The following ITGBL1 variants were observed in gnomAD, a reference collection of about 807,000 sequenced individuals.
ITGBL1 encodes the protein integrin beta-like protein 1.
Under a neutral mutation model 68.5 loss-of-function variants are expected in ITGBL1, and 51 were observed. The observed-to-expected ratio is 0.74, with a 90% confidence interval of 0.59 to 0.94. The LOEUF (loss-of-function observed/expected upper bound fraction) is 0.94, where lower values mean the gene tolerates loss of function less well. ITGBL1 is among the 40% of genes least tolerant of loss of function. The pLI is 0.00. For missense variants in ITGBL1, 649 were observed against 647.4 expected, an observed-to-expected ratio of 1.00 and a Z score of -0.03; for synonymous variants, 209 against 227.3, an observed-to-expected ratio of 0.92 and a Z score of 0.72.
chr13:101,452,713 G>C lies in ITGBL1; in HGVS notation c.-121G>C. ...GCTGGAGCCCCGGACCTGCAAGCCTGGGTGTCCGTGGGTCCGTCTGCCCAG... is the reference window on the plus strand; with the variant it reads ...GCTGGAGCCCCGGACCTGCAAGCCTCGGTGTCCGTGGGTCCGTCTGCCCAG... On this transcript the variant is annotated 5_prime_UTR_variant, in exon 1 of 11. Coordinates refer to ENST00000376180, the MANE Select transcript of ITGBL1 (RefSeq NM_004791.3). 2.7e-6 allele frequency: 2 copies of C among 743,286 alleles called. No homozygotes were observed. Among genetic ancestry groups the C allele is most frequent in the Non-Finnish European group, 4.7e-6 (2 of 421,580 alleles). The allele number at this position is 743,286 out of a possible 1,614,324, so 46.0% of individuals were successfully genotyped here. A position where few individuals can be genotyped will look rare whatever the true frequency, so the allele number is the denominator to read the frequency against.
intron 7 of ITGBL1, among the ~76,000 whole-genome samples, chr13:101,637,456 G>C (rs2032210790): frequency 6.7e-6 from 1 of 150,082 alleles, no homozygotes; most frequent in Non-Finnish European, 1.5e-5. Flanking sequence ...CCATTCTCCT[G>C]CCTCAGCCTC....
chr13:101,626,330 A>G (rs2139398541), intron 7 of ITGBL1, among the ~76,000 whole-genome samples: 1 of 152,344 alleles, frequency 6.6e-6, no homozygotes, highest in South Asian at 2.1e-4. Context: ...AAATTACACT[A>G]CAATTTAATG....
chr13:101,611,210 G>T (rs1041367583), intron 7 of ITGBL1, among the ~76,000 whole-genome samples: 3 of 152,170 alleles, frequency 2.0e-5, no homozygotes, highest in Non-Finnish European at 2.9e-5. Flanking sequence ...TTAATTGTTA[G>T]TAAAATGATG....
intron 3 of ITGBL1, among the ~76,000 whole-genome samples, chr13:101,572,686 A>G (rs1037965443): frequency 2.0e-5 from 3 of 152,064 alleles, no homozygotes; most frequent in African/African-American, 4.8e-5. Flanking sequence ...TGGGTGAGAC[A>G]GGAAGTCTCT....
chr13:101,606,174 T>TTTTA (rs1555361918), intron 7 of ITGBL1, among the ~76,000 whole-genome samples: 1 of 138,044 alleles, frequency 7.2e-6, no homozygotes, highest in Admixed American at 7.4e-5. Flanking sequence ...ATTAGGATTT[T>TTTTA]TATATATATA....
chr13:101,506,499 G>C (rs966006296), intron 2 of ITGBL1, among the ~76,000 whole-genome samples: 1 of 152,106 alleles, frequency 6.6e-6, no homozygotes, highest in Non-Finnish European at 1.5e-5. Flanking sequence ...TAGAAGATTT[G>C]CCAAGTATTC....
intron 2 of ITGBL1, among the ~76,000 whole-genome samples, chr13:101,545,519 G>A (rs1179883448): frequency 6.6e-6 from 1 of 151,938 alleles, no homozygotes; most frequent in Non-Finnish European, 1.5e-5. Flanking sequence ...TGTAATTCAA[G>A]ATTACTTGTT....
chr13:101,683,000 A>G (rs1391191635), intron 7 of ITGBL1, among the ~76,000 whole-genome samples: 1 of 152,144 alleles, frequency 6.6e-6, no homozygotes, highest in Non-Finnish European at 1.5e-5. Flanking sequence ...AAGTAAAGGA[A>G]ATGAATATTT....
intron 2 of ITGBL1, among the ~76,000 whole-genome samples, chr13:101,518,816 TCTTG>T (rs200596778): frequency 0.021 from 3,148 of 152,314 alleles, 43 homozygotes; most frequent in South Asian, 0.032. Flanking sequence ...GTAAACACTG[TCTTG>T]CTTAATCCAA....
In ITGBL1 at chr13:101,491,472, G is replaced by A. The variant is rs192148606; in HGVS notation, c.316+37372G>A. 8.0e-4 allele frequency among the ~76,000 whole-genome samples: 122 copies of A among 152,208 alleles called. 1 individual carries two copies. The highest frequency in any genetic ancestry group is 2.7e-3 in the African/African-American group (114 of 41,528). On this transcript the variant is annotated intron_variant, in intron 2 of 10. Coordinates refer to ENST00000376180, the MANE Select transcript of ITGBL1 (RefSeq NM_004791.3). ...GGGATTTTATAATTTGTCACATTAC[G>A]GTAGAGAGCCCTGTGGCCTCCCAAA...
chr13:101,667,192 G>A (rs2033241233), intron 7 of ITGBL1, among the ~76,000 whole-genome samples: 2 of 152,072 alleles, frequency 1.3e-5, no homozygotes, highest in Non-Finnish European at 2.9e-5. Flanking sequence ...ATAATGTATG[G>A]CCATTATGGA....
intron 7 of ITGBL1, among the ~76,000 whole-genome samples, chr13:101,680,107 G>A (rs978563215): frequency 1.2e-4 from 19 of 152,144 alleles, no homozygotes; most frequent in African/African-American, 4.3e-4. Context: ...GAAGGTGAGG[G>A]TGCCTCTTCA....
At chr13:101,455,138 T>G (rs1396748215) in intron 2 of ITGBL1, among the ~76,000 whole-genome samples, 4 of 152,210 alleles carry the variant, frequency 2.6e-5, no homozygotes, top group African/African-American at 9.7e-5. Context: ...AACCAGCCAC[T>G]TATTTTACCC....
Position 101,605,755 on chromosome 13 carries a change from T to C in ITGBL1, c.1015+7456T>C, listed in dbSNP as rs144656775. The stretch of plus-strand genomic sequence containing the variant: ...GTATGTAGACATATGTATGTGCGTA[T>C]ATGTGTGTACACGTGTGTAGGCATA... On this transcript the variant is annotated intron_variant, in intron 7 of 10. Transcript: ENST00000376180. Among the ~76,000 whole-genome samples, 393 of 146,240 alleles carry C rather than the reference T, an allele frequency of 2.7e-3. 2 individuals are homozygous for C. The highest frequency in any genetic ancestry group is 9.4e-3 in the African/African-American group (374 of 39,844).
chr13:101,711,471 A>G (rs1433722271), intron 9 of ITGBL1: 1 of 152,284 alleles, frequency 6.6e-6, no homozygotes, highest in Non-Finnish European at 1.5e-5. Flanking sequence ...TGCCTCGCTC[A>G]ATATGCCTGT....
intron 7 of ITGBL1, among the ~76,000 whole-genome samples, chr13:101,622,574 G>A (rs1441649883): frequency 6.6e-6 from 1 of 152,124 alleles, no homozygotes; most frequent in East Asian, 1.9e-4. Context: ...CTGACTCCAT[G>A]AGTAGTGTTG....
At chr13:101,676,210 C>A (rs2033498807) in intron 7 of ITGBL1, among the ~76,000 whole-genome samples, 1 of 151,406 alleles carries the variant, frequency 6.6e-6, no homozygotes, top group Admixed American at 6.6e-5. Flanking sequence ...TTTTGTTTTG[C>A]ATTTTTGTTG....
Position 101,460,453 on chromosome 13 carries a change from T to C in ITGBL1, c.316+6353T>C, listed in dbSNP as rs146396779. On this transcript the variant is annotated intron_variant, in intron 2 of 10. Transcript: ENST00000376180. Reference sequence around the variant, plus strand: ...AGCTCTACTTTCTTACATTCATCTGTGTTCGATAAATGCATATTGTCTTAG... The same window carrying C: ...AGCTCTACTTTCTTACATTCATCTGCGTTCGATAAATGCATATTGTCTTAG... 2.0e-5 allele frequency among the ~76,000 whole-genome samples: 3 copies of C among 152,328 alleles called. No homozygotes were observed. In the East Asian group the frequency reaches 5.8e-4, roughly 29 times the overall value.
chr13:101,717,496 T>C (rs2034769680), downstream of ITGBL1: 1 of 152,160 alleles, frequency 6.6e-6, no homozygotes, highest in African/African-American at 2.4e-5. Context: ...TATTGTTTTG[T>C]AGCAATTTTG....
Sources: allele counts gnomAD v4.1 joint callset (sites outside exome capture counted in the v4.1 genomes callset), GRCh38; gene constraint gnomAD v4.1.1; transcripts MANE v1.5; gene names NCBI Gene and HGNC (gene_info 2026-07-23, HGNC 2026-07-21).